Variants in ZFHX3 observed in about 807,000 individuals in gnomAD.
The protein encoded by ZFHX3 is zinc finger homeobox protein 3.
Under a neutral mutation model 279.1 loss-of-function variants are expected in ZFHX3, and 42 were observed. The ratio of observed to expected loss-of-function variants is 0.15; its 90% CI spans 0.12 to 0.19. The LOEUF is 0.19. Ranked by LOEUF, ZFHX3 falls within the 10% of genes least tolerant of loss-of-function variation. The pLI, the probability that ZFHX3 is intolerant of heterozygous loss-of-function variation, is 1.00. For synonymous variants in ZFHX3, 2,293 were observed against 1,957.8 expected, an observed-to-expected ratio of 1.17 and a Z score of -4.52; for missense variants, 4,981 against 4,754.0, an observed-to-expected ratio of 1.05 and a Z score of -1.40.
At chr16:73,546,727 G>A (rs1596991178) in intron 2 of ZFHX3, among the ~76,000 whole-genome samples, 1 of 115,052 alleles carries the variant, frequency 8.7e-6, no homozygotes, top group African/African-American at 4.7e-5. Flanking sequence ...TGCTGCTGCT[G>A]CTGCTGCTGT....
At chr16:72,799,853 C>T (rs552692501) in intron 8 of ZFHX3, among the ~76,000 whole-genome samples, 174 bp downstream of exon 8, 1 of 152,314 alleles carries the variant, frequency 6.6e-6, no homozygotes, top group South Asian at 2.1e-4. Context: ...GAGTAATATA[C>T]AAATACATGC....
intron 3 of ZFHX3, among the ~76,000 whole-genome samples, chr16:72,926,094 C>G (rs1470116347): frequency 6.6e-6 from 1 of 152,162 alleles, no homozygotes; most frequent in Non-Finnish European, 1.5e-5. Context: ...GTCACTGTTT[C>G]TTTTAATTTG....
chr16:73,064,950 G>A (rs1203071520), intron 8 of ZFHX3, among the ~76,000 whole-genome samples: 1 of 152,202 alleles, frequency 6.6e-6, no homozygotes, highest in African/African-American at 2.4e-5. Context: ...AGCCTGGGGC[G>A]AGTGAAGAAG....
intron 3 of ZFHX3, among the ~76,000 whole-genome samples, chr16:73,327,402 CA>C (rs1466027909): frequency 6.6e-6 from 1 of 152,260 alleles, no homozygotes; most frequent in East Asian, 1.9e-4. Flanking sequence ...AGTCCTTAAC[CA>C]AACAACCCTC....
chr16:73,847,294 T>G (rs1396811817), intron 1 of ZFHX3, among the ~76,000 whole-genome samples: 1 of 152,066 alleles, frequency 6.6e-6, no homozygotes, highest in African/African-American at 2.4e-5. Context: ...AGAGGGCAAC[T>G]TCATCTCAAA....
chr16:73,730,017 T>C (rs2053555420), intron 1 of ZFHX3, among the ~76,000 whole-genome samples: 1 of 152,184 alleles, frequency 6.6e-6, no homozygotes, highest in Non-Finnish European at 1.5e-5. Context: ...ATGGAAGCCC[T>C]TTCAAGACAA....
At chr16:73,460,645 G>T (rs1467617214) in intron 2 of ZFHX3, among the ~76,000 whole-genome samples, 1 of 152,278 alleles carries the variant, frequency 6.6e-6, no homozygotes, top group Admixed American at 6.5e-5. Context: ...GTTTGGATAT[G>T]TGTCCTTGAC....
intron 3 of ZFHX3, among the ~76,000 whole-genome samples, chr16:73,350,839 A>T (rs922259270): frequency 6.6e-6 from 1 of 152,200 alleles, no homozygotes; most frequent in African/African-American, 2.4e-5. Context: ...ATCTCTTTGT[A>T]GGGAAGCAGC....
At chr16:72,825,884 T>C (rs890047698) in intron 5 of ZFHX3, among the ~76,000 whole-genome samples, 8 of 152,252 alleles carry the variant, frequency 5.3e-5, no homozygotes, top group Non-Finnish European at 7.3e-5. Flanking sequence ...TAAATGACTA[T>C]GGTATTGTTC....
chr16:73,318,236 C>G (rs1054007464), intron 4 of ZFHX3: 1 of 152,060 alleles, frequency 6.6e-6, no homozygotes, highest in African/African-American at 2.4e-5. Context: ...TATCAGAGCC[C>G]TACCTGCTGA....
intron 2 of ZFHX3, among the ~76,000 whole-genome samples, chr16:73,481,612 T>G (rs2018868130): frequency 6.9e-6 from 1 of 145,250 alleles, no homozygotes; most frequent in Non-Finnish European, 1.5e-5. Flanking sequence ...ATGTGCGTGG[T>G]GTTGTTTTTT....
chr16:72,784,194 T>G lies in ZFHX3; in HGVS notation c.*2970A>C, dbSNP rs532796320. ...AACACCCACAGCTCAAGGCATGGCA[T>G]AACAAAACACTGACAGTCACTCTGC... On this transcript the variant is annotated 3_prime_UTR_variant, in exon 10 of 10. Coordinates refer to ENST00000268489, the MANE Select transcript of ZFHX3 (RefSeq NM_006885.4). 6.6e-6 allele frequency: 1 copy of G among 151,038 alleles called. No homozygotes were observed. The highest frequency in any genetic ancestry group is 2.1e-4 in the South Asian group (1 of 4,772). 9.4% of individuals were successfully genotyped at this position (151,038 alleles called of 1,614,324 possible).
At chr16:73,305,941 T>C (rs2015170799) in intron 4 of ZFHX3, among the ~76,000 whole-genome samples, 1 of 152,216 alleles carries the variant, frequency 6.6e-6, no homozygotes, top group South Asian at 2.1e-4. Context: ...GGCAGACTTT[T>C]AAATGAAAGT....
intron 2 of ZFHX3, among the ~76,000 whole-genome samples, chr16:73,677,620 C>T (rs2052968025): frequency 6.6e-6 from 1 of 151,746 alleles, no homozygotes; most frequent in Admixed American, 6.6e-5. Context: ...ATTATTTTAA[C>T]TATAACAATA....
At position 73,638,107 on chromosome 16, in the gene ZFHX3, T is replaced by C. The variant is rs1022376701; in HGVS notation, c.-1547+42073A>G. On this transcript the variant is annotated intron_variant, in intron 2 of 17. Transcript: ENST00000641206. ...TTTATATACAACATCCTGAGGGCAG[T>C]GTAGCCATATCCTTCAAGAGTCACA... 6.6e-5 allele frequency among the ~76,000 whole-genome samples: 10 copies of C among 152,320 alleles called. No homozygotes were observed. The South Asian group carries it at 2.1e-3, about 32-fold the overall frequency.
At position 73,731,802 on chromosome 16, in the gene ZFHX3, G is replaced by A. The variant is rs148545092; in HGVS notation, c.-1607-51562C>T. On this transcript the variant is annotated intron_variant, in intron 1 of 17. Coordinates refer to the ZFHX3 transcript ENST00000641206. ...ATTTCAGTAAGCAGGCATCATTTAG[G>A]CTTAAATTGCAAGAGAAGAGGCTTT... 2.8e-3 allele frequency among the ~76,000 whole-genome samples: 430 copies of A among 152,240 alleles called. 1 individual carries two copies. Among genetic ancestry groups the A allele is most frequent in the African/African-American group, 9.5e-3 (396 of 41,534 alleles).
At chr16:73,824,270 G>T (rs551512942) in intron 1 of ZFHX3, among the ~76,000 whole-genome samples, 2 of 151,976 alleles carry the variant, frequency 1.3e-5, no homozygotes, top group Non-Finnish European at 2.9e-5. Context: ...GGACAGAGTT[G>T]CTTGAAGCAT....
At chr16:73,663,650 C>T (rs1348768871) in intron 2 of ZFHX3, among the ~76,000 whole-genome samples, 2 of 152,154 alleles carry the variant, frequency 1.3e-5, no homozygotes, top group African/African-American at 4.8e-5. Context: ...TCCCTAAGAC[C>T]CAGAATGTGT....
At chr16:72,818,200 A>C (rs1246318202) in intron 5 of ZFHX3, among the ~76,000 whole-genome samples, 1 of 152,196 alleles carries the variant, frequency 6.6e-6, no homozygotes, top group Non-Finnish European at 1.5e-5. Flanking sequence ...ATTATAATTA[A>C]ATGGAAGGTG....
Sources: gnomAD v4.1 joint callset for allele counts (sites outside exome capture counted in the v4.1 genomes callset) on GRCh38, gnomAD v4.1.1 for gene constraint, MANE v1.5 for transcripts, NCBI Gene and HGNC (gene_info 2026-07-23, HGNC 2026-07-21) for gene names.